ZNF365: variants seen among roughly 807,000 people sequenced by gnomAD.
ZNF365 encodes the protein protein ZNF365.
In ZNF365, 22 loss-of-function variants were observed where a neutral mutation model predicts 35.0. That is an observed-to-expected ratio of 0.63 (90% CI 0.45 to 0.90). The LOEUF (loss-of-function observed/expected upper bound fraction) is 0.90. ZNF365 is among the 40% of genes least tolerant of loss of function. The pLI, the probability that ZNF365 is intolerant of heterozygous loss-of-function variation, is 0.00. For missense variants in ZNF365, 448 were observed against 500.3 expected (o/e 0.90, Z 1.00); for synonymous variants, 188 against 196.2 (o/e 0.96, Z 0.35).
intron 3 of ZNF365, among the ~76,000 whole-genome samples, chr10:62,420,276 A>ATAT (rs1840145649): frequency 6.6e-6 from 1 of 152,200 alleles, no homozygotes; most frequent in Non-Finnish European, 1.5e-5. Context: ...TTTGAAATTA[A>ATAT]CTCGTAATAA....
At chr10:62,425,794 T>A (rs1840242030) in intron 3 of ZNF365, among the ~76,000 whole-genome samples, 1 of 152,196 alleles carries the variant, frequency 6.6e-6, no homozygotes, top group Non-Finnish European at 1.5e-5. Context: ...TATCTGGTTA[T>A]TGTTCATTTA....
intron 2 of ZNF365, among the ~76,000 whole-genome samples, chr10:62,379,066 A>C (rs1315489619): frequency 7.0e-6 from 1 of 142,582 alleles, no homozygotes; most frequent in African/African-American, 2.7e-5. Context: ...TTTGTCACCC[A>C]GGCTGGAGTG....
chr10:62,457,630 A>G (rs1412514986), intron 3 of ZNF365, among the ~76,000 whole-genome samples: 1 of 152,252 alleles, frequency 6.6e-6, no homozygotes, highest in Non-Finnish European at 1.5e-5. Flanking sequence ...TTGGTGTTAG[A>G]TAGTATCCTT....
intron 3 of ZNF365, among the ~76,000 whole-genome samples, chr10:62,430,096 C>T (rs1441119877): frequency 1.3e-5 from 2 of 152,078 alleles, no homozygotes; most frequent in Non-Finnish European, 2.9e-5. Flanking sequence ...CATGATTTCA[C>T]TATAATAATA....
At chr10:62,422,587 G>C (rs1840187878) in intron 3 of ZNF365, among the ~76,000 whole-genome samples, 1 of 152,158 alleles carries the variant, frequency 6.6e-6, no homozygotes, top group Non-Finnish European at 1.5e-5. Flanking sequence ...ATGGAGCTGT[G>C]AGAAAACCCA....
intron 3 of ZNF365, among the ~76,000 whole-genome samples, chr10:62,430,541 T>C (rs759848346): frequency 2.0e-5 from 3 of 152,242 alleles, no homozygotes; most frequent in Admixed American, 1.3e-4. Context: ...CCTTCCTTAT[T>C]TGAAGTTTAA....
intron 3 of ZNF365, among the ~76,000 whole-genome samples, chr10:62,396,287 C>G (rs10740075): frequency 0.53 from 80,119 of 152,122 alleles, 22,575 homozygotes; most frequent in East Asian, 0.71. Flanking sequence ...CAGAGTGAAG[C>G]CTTGCTCAGG....
At chr10:62,440,364 G>A (rs1357462422) in intron 3 of ZNF365, among the ~76,000 whole-genome samples, 1 of 136,338 alleles carries the variant, frequency 7.3e-6, no homozygotes, top group African/African-American at 2.6e-5. Flanking sequence ...ATTAAGCCTA[G>A]TACCTAATAG....
downstream of ZNF365, among the ~76,000 whole-genome samples, chr10:62,406,546 T>C (rs933308314): frequency 6.6e-6 from 1 of 152,058 alleles, no homozygotes; most frequent in Admixed American, 6.5e-5. Context: ...AATAAGGTAT[T>C]TGTGGAGTAT....
chr10:62,442,363 T>G (rs1025144218), intron 3 of ZNF365, among the ~76,000 whole-genome samples: 1 of 152,174 alleles, frequency 6.6e-6, no homozygotes, highest in African/African-American at 2.4e-5. Context: ...GAGTGTAAAT[T>G]CCATACATTG....
intron 3 of ZNF365, among the ~76,000 whole-genome samples, chr10:62,443,236 G>A (rs1840530627): frequency 1.3e-5 from 2 of 152,136 alleles, no homozygotes; most frequent in African/African-American, 4.8e-5. Flanking sequence ...GAGGTGAAAG[G>A]GATTTTCCTG....
intron 3 of ZNF365, among the ~76,000 whole-genome samples, chr10:62,426,522 A>G (rs1840251833): frequency 6.6e-6 from 1 of 152,132 alleles, no homozygotes; most frequent in Admixed American, 6.5e-5. Flanking sequence ...GGCTCTGGAA[A>G]CAAAGTTTAT....
intron 3 of ZNF365, among the ~76,000 whole-genome samples, chr10:62,423,231 G>A (rs1840201417): frequency 6.6e-6 from 1 of 151,076 alleles, no homozygotes; most frequent in Non-Finnish European, 1.5e-5. Flanking sequence ...AAAAACTCCA[G>A]GAGTTCTAAA....
intron 3 of ZNF365, among the ~76,000 whole-genome samples, chr10:62,427,801 A>G (rs2132453272): frequency 6.6e-6 from 1 of 152,248 alleles, no homozygotes; most frequent in African/African-American, 2.4e-5. Context: ...TAGGTGCTAG[A>G]AGGCGACTCC....
intron 3 of ZNF365, among the ~76,000 whole-genome samples, chr10:62,438,289 A>G (rs1237501171): frequency 3.3e-5 from 5 of 151,826 alleles, no homozygotes; most frequent in Non-Finnish European, 7.4e-5. Context: ...CCCAGGCTCA[A>G]GCGATTCTCG....
chr10:62,406,034 G>T (rs575653971), downstream of ZNF365, among the ~76,000 whole-genome samples: 7 of 152,302 alleles, frequency 4.6e-5, no homozygotes, highest in South Asian at 1.5e-3. Flanking sequence ...GATACCCGAG[G>T]AGCTTAGAGT....
intron 1 of ZNF365, 47 bp from the exon 2 acceptor site, chr10:62,376,134 G>A (rs1839321024): frequency 6.3e-7 from 1 of 1,580,660 alleles, no homozygotes; most frequent in Non-Finnish European, 8.6e-7. Flanking sequence ...CATTTTAGTA[G>A]TGTGTTTTTC....
At chr10:62,437,586 A>G (rs996694805) in intron 3 of ZNF365, among the ~76,000 whole-genome samples, 1 of 152,226 alleles carries the variant, frequency 6.6e-6, no homozygotes, top group Non-Finnish European at 1.5e-5. Flanking sequence ...TATGTTTTCC[A>G]GGCAGTTAAC....
chr10:62,383,163 A>G (rs1839469116), intron 2 of ZNF365, among the ~76,000 whole-genome samples: 1 of 152,246 alleles, frequency 6.6e-6, no homozygotes, highest in Non-Finnish European at 1.5e-5. Flanking sequence ...TGCATTCAGC[A>G]GAAATGCATT....
Sources: allele counts gnomAD v4.1 joint callset (sites outside exome capture counted in the v4.1 genomes callset), GRCh38; gene constraint gnomAD v4.1.1; transcripts MANE v1.5; gene names NCBI Gene and HGNC (gene_info 2026-07-23, HGNC 2026-07-21).